Variants in CDH13 observed in about 807,000 individuals in gnomAD.
CDH13 encodes the protein cadherin-13.
In CDH13, 24 loss-of-function variants were observed where a neutral mutation model predicts 63.8. The ratio of observed to expected loss-of-function variants is 0.38; its 90% CI spans 0.27 to 0.53. The LOEUF is 0.53. Among genes scored for constraint, CDH13 ranks in the 20% least tolerant of loss-of-function variants. The pLI, the probability that CDH13 is intolerant of heterozygous loss-of-function variation, is 0.85. For missense variants in CDH13, 1,049 were observed against 903.1 expected (o/e 1.16, Z -2.07); for synonymous variants, 503 against 355.3 (o/e 1.42, Z -4.67).
chr16:83,787,804 G>C (rs13336361), intron 13 of CDH13, among the ~76,000 whole-genome samples: 23 of 152,086 alleles, frequency 1.5e-4, no homozygotes, highest in Non-Finnish European at 2.2e-4. Flanking sequence ...TTAGCCAGGC[G>C]TGGTGGCAAG....
rs185321692 is a variant in CDH13, at chr16:82,627,961, G to A, written c.45+824G>A. Among the ~76,000 whole-genome samples the A allele has an allele frequency of 2.7e-3, 405 of 152,378 alleles. 2 individuals are homozygous for A. The highest frequency in any genetic ancestry group is 9.5e-3 in the African/African-American group (394 of 41,594). ...TTGCCCACCCGGGCTGCAGCTGCTTGTTAACCCTCAGAGCGCCACGGCGCG... is the reference window on the plus strand; with the variant it reads ...TTGCCCACCCGGGCTGCAGCTGCTTATTAACCCTCAGAGCGCCACGGCGCG... On this transcript the variant is annotated intron_variant, in intron 1 of 13. Transcript: ENST00000567109.
chr16:82,674,625 A>G (rs186323413), intron 1 of CDH13, among the ~76,000 whole-genome samples: 2 of 152,332 alleles, frequency 1.3e-5, no homozygotes, highest in South Asian at 2.1e-4. Flanking sequence ...TGGGGATTTC[A>G]TAGATGGTGG....
chr16:83,678,880 G>A (rs539520804), intron 10 of CDH13, among the ~76,000 whole-genome samples: 18 of 152,268 alleles, frequency 1.2e-4, no homozygotes, highest in African/African-American at 2.9e-4. Flanking sequence ...TTGTGGATTC[G>A]CAGATTCGTA....
chr16:83,111,671 G>C (rs1017364798), intron 3 of CDH13, among the ~76,000 whole-genome samples: 2 of 152,198 alleles, frequency 1.3e-5, no homozygotes, highest in East Asian at 1.9e-4. Flanking sequence ...TTGGATTGGA[G>C]AATGGAGTTG....
intron 1 of CDH13, among the ~76,000 whole-genome samples, chr16:82,764,973 C>T (rs1266451645): frequency 6.6e-6 from 1 of 152,058 alleles, no homozygotes; most frequent in Non-Finnish European, 1.5e-5. Context: ...TGCCACTATG[C>T]CTGGCTAATT....
chr16:83,033,405 C>A (rs760273309), intron 3 of CDH13, among the ~76,000 whole-genome samples: 9 of 152,106 alleles, frequency 5.9e-5, no homozygotes, highest in Non-Finnish European at 1.3e-4. Context: ...CATGGTCCTT[C>A]TGTTGTTTTG....
At chr16:83,134,590 A>AGAGAGAGAGAGT (rs1567863505) in intron 4 of CDH13, among the ~76,000 whole-genome samples, 1 of 49,432 alleles carries the variant, frequency 2.0e-5, no homozygotes, top group African/African-American at 1.4e-4. Context: ...AGAGAGAGAG[A>AGAGAGAGAGAGT]GAGTGAGTTA....
At chr16:82,768,245 G>A (rs1367700123) in intron 1 of CDH13, among the ~76,000 whole-genome samples, 1 of 152,188 alleles carries the variant, frequency 6.6e-6, no homozygotes, top group African/African-American at 2.4e-5. Context: ...TTCATAAGGT[G>A]TTCCCTGCAG....
intron 8 of CDH13, among the ~76,000 whole-genome samples, chr16:83,667,778 C>T (rs1439299645): frequency 1.3e-5 from 2 of 152,094 alleles, no homozygotes; most frequent in East Asian, 1.9e-4. Flanking sequence ...CCACCTCAGC[C>T]TCCTGAGTAT....
At chr16:83,115,219 T>A (rs1173617103) in intron 3 of CDH13, among the ~76,000 whole-genome samples, 1 of 152,240 alleles carries the variant, frequency 6.6e-6, no homozygotes, top group Admixed American at 6.5e-5. Context: ...AAGAGCTGAA[T>A]GACTTGGGAT....
At chr16:83,620,664 C>T (rs964535286) in intron 8 of CDH13, among the ~76,000 whole-genome samples, 4 of 152,214 alleles carry the variant, frequency 2.6e-5, no homozygotes, top group South Asian at 2.1e-4. Flanking sequence ...ATACTTGCAC[C>T]GTCCAGCAAA....
chr16:83,330,968 A>T (rs1280415833), intron 5 of CDH13, among the ~76,000 whole-genome samples: 1 of 152,228 alleles, frequency 6.6e-6, no homozygotes, highest in Non-Finnish European at 1.5e-5. Flanking sequence ...ACTGGTGGAT[A>T]ATATTTACTT....
At chr16:82,954,905 C>CTT (rs1905839976) in intron 2 of CDH13, among the ~76,000 whole-genome samples, 2 of 152,142 alleles carry the variant, frequency 1.3e-5, no homozygotes, top group African/African-American at 4.8e-5. Flanking sequence ...TTTGTGCCTG[C>CTT]CTTCTTTCAC....
chr16:82,785,730 A>G (rs2035970964), intron 1 of CDH13, among the ~76,000 whole-genome samples: 1 of 152,226 alleles, frequency 6.6e-6, no homozygotes, highest in Non-Finnish European at 1.5e-5. Context: ...GTATTCCAGT[A>G]ACTGCATGGA....
At chr16:83,629,717 A>G (rs540299926) in intron 8 of CDH13, among the ~76,000 whole-genome samples, 2 of 152,322 alleles carry the variant, frequency 1.3e-5, no homozygotes, top group Admixed American at 1.3e-4. Context: ...CTTTGGACTA[A>G]TATCCTCGAC....
intron 7 of CDH13, among the ~76,000 whole-genome samples, chr16:83,581,192 C>T (rs949564485): frequency 7.2e-5 from 11 of 152,142 alleles, no homozygotes; most frequent in African/African-American, 2.4e-4. Flanking sequence ...TGCACGTGGG[C>T]ATTTGGAAAG....
At chr16:83,350,577 T>G (rs142664901) in intron 6 of CDH13, among the ~76,000 whole-genome samples, 1 of 152,150 alleles carries the variant, frequency 6.6e-6, no homozygotes, top group African/African-American at 2.4e-5. Flanking sequence ...CCATCCAGTA[T>G]GCTTAGCAAG....
At chr16:83,506,682 G>C (rs2074404605) in intron 7 of CDH13, among the ~76,000 whole-genome samples, 1 of 152,194 alleles carries the variant, frequency 6.6e-6, no homozygotes, top group Non-Finnish European at 1.5e-5. Context: ...ATAGGACATG[G>C]CAGAAATGAC....
chr16:82,776,683 G>A (rs936725385), intron 1 of CDH13, among the ~76,000 whole-genome samples: 12 of 152,312 alleles, frequency 7.9e-5, no homozygotes, highest in South Asian at 4.1e-4. Context: ...GGTTGACTGT[G>A]GGTTCGGTTT....
Sources: allele counts gnomAD v4.1 joint callset (sites outside exome capture counted in the v4.1 genomes callset), GRCh38; gene constraint gnomAD v4.1.1; transcripts MANE v1.5; gene names NCBI Gene and HGNC (gene_info 2026-07-23, HGNC 2026-07-21).